RB1: variants seen among roughly 807,000 people sequenced by gnomAD.
RB1 encodes retinoblastoma-associated protein.
Under a neutral mutation model 135.4 loss-of-function variants are expected in RB1, and 18 were observed. The ratio of observed to expected loss-of-function variants is 0.13; its 90% CI spans 0.09 to 0.20. RB1 has a LOEUF of 0.20. RB1 is among the 10% of genes least tolerant of loss of function. The pLI is 1.00. For missense variants in RB1, 868 were observed against 1,110.0 expected (o/e 0.78, Z 3.10); for synonymous variants, 365 against 373.2 (o/e 0.98, Z 0.25).
At chr13:48,335,601 C>CA (rs1458179440) in intron 2 of RB1, among the ~76,000 whole-genome samples, 1 of 143,194 alleles carries the variant, frequency 7.0e-6, no homozygotes, top group Non-Finnish European at 1.5e-5. Flanking sequence ...TTGAAAGTAC[C>CA]TTTTTTTTTT....
chr13:48,460,215 T>C (rs1330743815), intron 20 of RB1, among the ~76,000 whole-genome samples: 1 of 151,852 alleles, frequency 6.6e-6, no homozygotes, highest in Non-Finnish European at 1.5e-5. Flanking sequence ...GTGATCCGTC[T>C]ACCTAAGGCC....
intron 17 of RB1, among the ~76,000 whole-genome samples, chr13:48,409,952 A>G (rs1292408313): frequency 6.6e-6 from 1 of 152,146 alleles, no homozygotes; most frequent in Non-Finnish European, 1.5e-5. Context: ...TTTCTAAAGT[A>G]TACCTCAGAG....
intron 17 of RB1, among the ~76,000 whole-genome samples, chr13:48,392,513 T>TC (rs1948618759): frequency 6.6e-6 from 1 of 152,216 alleles, no homozygotes; most frequent in African/African-American, 2.4e-5. Flanking sequence ...ATTTTTTTCT[T>TC]CTGAGGTATC....
intron 3 of RB1, among the ~76,000 whole-genome samples, 188 bp from the exon 4 acceptor site, chr13:48,344,892 T>A (rs1354049131): frequency 6.6e-6 from 1 of 152,174 alleles, no homozygotes; most frequent in East Asian, 1.9e-4. Context: ...TAAGCATAGG[T>A]ATATAGATAA....
chr13:48,437,552 T>C (rs1380533376), intron 17 of RB1, among the ~76,000 whole-genome samples: 1 of 152,180 alleles, frequency 6.6e-6, no homozygotes, highest in Admixed American at 6.5e-5. Flanking sequence ...GTTTAAGGCT[T>C]CACTGGGATT....
At chr13:48,322,788 T>G (rs1466652888) in intron 2 of RB1, among the ~76,000 whole-genome samples, 1 of 152,206 alleles carries the variant, frequency 6.6e-6, no homozygotes, top group Non-Finnish European at 1.5e-5. Context: ...AATGTAGTTC[T>G]TGTTCTTTAT....
At position 48,459,836 on chromosome 13, in the gene RB1, A is replaced by G. The variant is rs1353683992; in HGVS notation, c.2106+3A>G. The G allele has an allele frequency of 5.6e-6, 9 of 1,612,050 alleles. No individual in the cohort carries two copies. Among genetic ancestry groups the G allele is most frequent in the Non-Finnish European group, 7.6e-6 (9 of 1,178,224 alleles). ...TGAGAGACAGGCATTTGGACCAAGT[A>G]AGAAAATCAAGCACTTCACCTTCTC... On this transcript the variant is annotated splice_donor_region_variant and intron_variant, in intron 20 of 26. Transcript: ENST00000267163.
chr13:48,474,987 C>A (rs1949495189), intron 24 of RB1, among the ~76,000 whole-genome samples: 1 of 152,136 alleles, frequency 6.6e-6, no homozygotes, highest in African/African-American at 2.4e-5. Context: ...AGTCCTCTCA[C>A]CTTAGCCTCC....
rs549871595 is a variant in RB1 at position 48,364,494 on chromosome 13, A to G, written c.862-400A>G. Reference sequence around the variant, plus strand: ...TAAGAAGATGATATATTTAGTATGTATATATAGTACATATACAAAATATAT... The same window carrying G: ...TAAGAAGATGATATATTTAGTATGTGTATATAGTACATATACAAAATATAT... On this transcript the variant is annotated intron_variant, in intron 8 of 26. Coordinates refer to ENST00000267163, the MANE Select transcript of RB1 (RefSeq NM_000321.3). Among the ~76,000 whole-genome samples, 13 of 152,294 alleles carry G rather than the reference A, an allele frequency of 8.5e-5. No individual in the cohort carries two copies. The South Asian group carries it at 2.7e-3, about 32-fold the overall frequency.
chr13:48,425,712 C>A (rs1949069959), intron 17 of RB1, among the ~76,000 whole-genome samples: 1 of 152,072 alleles, frequency 6.6e-6, no homozygotes, highest in African/African-American at 2.4e-5. Context: ...AATGACATGA[C>A]CTTGAGCAAA....
chr13:48,407,140 C>T (rs1948747879), intron 17 of RB1, among the ~76,000 whole-genome samples: 1 of 152,192 alleles, frequency 6.6e-6, no homozygotes, highest in Admixed American at 6.6e-5. Flanking sequence ...TGTAAGTATA[C>T]AACACATAAT....
intron 2 of RB1, chr13:48,317,897 G>A: frequency 2.5e-6 from 1 of 402,956 alleles, no homozygotes; most frequent in South Asian, 2.2e-5. Flanking sequence ...CATTTCCCGA[G>A]AGCAGCAGGG....
intron 1 of RB1, 141 bp from the exon 2 acceptor site, chr13:48,307,139 C>A (rs2138033298): frequency 1.5e-6 from 1 of 653,838 alleles, no homozygotes; most frequent in East Asian, 2.9e-5. Context: ...TAATGTTTTT[C>A]TAAGATAAAA....
At chr13:48,349,486 A>C (rs879396140) in intron 6 of RB1, among the ~76,000 whole-genome samples, 1 of 151,940 alleles carries the variant, frequency 6.6e-6, no homozygotes, top group Non-Finnish European at 1.5e-5. Flanking sequence ...AATGGGTTAT[A>C]AGATAGTATT....
intron 6 of RB1, among the ~76,000 whole-genome samples, chr13:48,354,722 AC>A (rs1240003422): frequency 6.6e-6 from 1 of 152,164 alleles, no homozygotes; most frequent in Non-Finnish European, 1.5e-5. Flanking sequence ...AAAAGCAGAT[AC>A]ATAGACCAGT....
At position 48,350,626 on chromosome 13, in the gene RB1, A is replaced by G. The variant is rs184383602; in HGVS notation, c.607+1603A>G. Among the ~76,000 whole-genome samples the G allele has an allele frequency of 5.3e-5, 8 of 152,292 alleles. No individual in the cohort carries two copies. In the East Asian group the frequency reaches 1.5e-3, roughly 29 times the overall value. On this transcript the variant is annotated intron_variant, in intron 6 of 26. Coordinates refer to ENST00000267163, the MANE Select transcript of RB1 (RefSeq NM_000321.3). ...AGGGGTACATGTGATGGTTTGTTAC[A>G]TAGGTAAACTTGTGTCACAGGGGTT...
intron 17 of RB1, among the ~76,000 whole-genome samples, chr13:48,385,339 A>G (rs563810921): frequency 1.3e-5 from 2 of 152,290 alleles, no homozygotes; most frequent in South Asian, 2.1e-4. Context: ...CTTTCTGCAA[A>G]AAAGACCACT....
chr13:48,471,573 TAAAA>T (rs1555294964), intron 23 of RB1, among the ~76,000 whole-genome samples: 3 of 133,970 alleles, frequency 2.2e-5, no homozygotes, highest in African/African-American at 5.5e-5. Context: ...AAAATATAAA[TAAAA>T]AAAAAAAAAA....
chr13:48,304,880 T>A (rs1952067760), intron 1 of RB1, among the ~76,000 whole-genome samples: 1 of 151,852 alleles, frequency 6.6e-6, no homozygotes, highest in African/African-American at 2.4e-5. Flanking sequence ...GTGTCCCCTC[T>A]TTTTGCCTTT....
Sources: gnomAD v4.1 joint callset for allele counts (sites outside exome capture counted in the v4.1 genomes callset) on GRCh38, gnomAD v4.1.1 for gene constraint, MANE v1.5 for transcripts, NCBI Gene and HGNC (gene_info 2026-07-23, HGNC 2026-07-21) for gene names.